The following SMAD7 variants were observed in gnomAD, a reference collection of about 807,000 sequenced individuals.
SMAD7 encodes MAD (mothers against decapentaplegic, Drosophila) homolog 7.
A neutral mutation model predicts 38.7 loss-of-function variants in SMAD7; 8 were observed. The observed-to-expected ratio is 0.21, with a 90% confidence interval of 0.12 to 0.37. The LOEUF is 0.37. SMAD7 is among the 10% of genes least tolerant of loss of function. The probability of loss-of-function intolerance (pLI) is 1.00; values close to 1 mark genes in which losing one functional copy is unlikely to be tolerated. For missense variants in SMAD7, 477 were observed against 577.9 expected (o/e 0.83, Z 1.79); for synonymous variants, 327 against 265.1 (o/e 1.23, Z -2.27).
chr18:48,930,384 A>G (rs879903207), intron 3 of SMAD7, among the ~76,000 whole-genome samples: 12 of 152,112 alleles, frequency 7.9e-5, no homozygotes, highest in Middle Eastern at 6.8e-3. Context: ...TCCCACTCCT[A>G]ACCTCCAGTT....
rs1358828250 is a variant in SMAD7 at position 48,950,612 on chromosome 18, G to T, written c.-188C>A. The T allele has an allele frequency of 1.2e-4, 40 of 325,024 alleles. No homozygotes were observed. The highest frequency in any genetic ancestry group is 3.6e-5 in the Non-Finnish European group (7 of 193,996). The allele number at this position is 325,024 out of a possible 1,614,324, so 20.1% of individuals were successfully genotyped here. ...CGTGGCATGCGCCAGTCTCCCGGAG[G>T]CCGGGGCGCGCGCGGGGGCCCGGGG... is the stretch of plus-strand genomic sequence containing the variant. On this transcript the variant is annotated 5_prime_UTR_variant, in exon 1 of 4. Coordinates refer to ENST00000262158, the MANE Select transcript of SMAD7 (RefSeq NM_005904.4).
Position 48,949,869 on chromosome 18 carries a change from T to C in SMAD7, c.556A>G (p.Ile186Val). ...RLCCCESYGK[I>V]NPELVCCNPH... is the part of the protein sequence containing the mutation. ...TTGCAGCACACCAGCTCGGGGTTGA[T>C]CTTCCCGTAAGATTCACAGCAACAC... is the stretch of plus-strand genomic sequence containing the variant. Residue 186 changes from isoleucine (I) to valine (V), a missense_variant, in exon 1 of 4, where the codon ATC (isoleucine) becomes GTC (valine). This residue lies in a region of SMAD7 where 376 missense variants were observed against 379.4 expected (regional missense o/e 0.99). Coordinates refer to ENST00000262158, the MANE Select transcript of SMAD7 (RefSeq NM_005904.4). 2 of 1,612,972 alleles carry C rather than the reference T, an allele frequency of 1.2e-6. No individual in the cohort carries two copies. The highest frequency in any genetic ancestry group is 1.7e-6 in the Non-Finnish European group (2 of 1,179,484).
intron 3 of SMAD7, among the ~76,000 whole-genome samples, chr18:48,939,307 C>A (rs1051058255): frequency 6.6e-6 from 1 of 152,070 alleles, no homozygotes; most frequent in African/African-American, 2.4e-5. Context: ...TTTCCCAGAC[C>A]GAGGAAACTT....
At chr18:48,943,508 C>A (rs547515046) in intron 2 of SMAD7, among the ~76,000 whole-genome samples, 12 of 152,348 alleles carry the variant, frequency 7.9e-5, no homozygotes, top group African/African-American at 2.9e-4. Flanking sequence ...AACCACAACT[C>A]ATTAGTCCCA....
At chr18:48,923,689 A>T (rs2069891367) in intron 3 of SMAD7, among the ~76,000 whole-genome samples, 1 of 152,046 alleles carries the variant, frequency 6.6e-6, no homozygotes, top group East Asian at 1.9e-4. Context: ...CCTTTCCCTC[A>T]ACCCCCAACC....
intron 2 of SMAD7, chr18:48,942,850 C>T: frequency 8.8e-7 from 1 of 1,140,218 alleles, no homozygotes. Flanking sequence ...ATTACGGATA[C>T]CAGGTGGTTC....
chr18:48,924,357 TCGAGGTGC>T, intron 3 of SMAD7, among the ~76,000 whole-genome samples: 1 of 151,890 alleles, frequency 6.6e-6, no homozygotes, highest in Admixed American at 6.5e-5. Flanking sequence ...GGACCTGAGA[TCGAGGTGC>T]CCCCATGCCA....
At position 48,921,183 on chromosome 18, in the gene SMAD7, A is replaced by C; in HGVS notation, c.*189T>G. 1.7e-6 allele frequency: 1 copy of C among 579,098 alleles called. No homozygotes were observed. The highest frequency in any genetic ancestry group is 2.9e-5 in the East Asian group (1 of 34,326). The allele number at this position is 579,098 out of a possible 1,614,324, so 35.9% of individuals were successfully genotyped here. ...AAAACCCCCAACAATTCTTTTCATA[A>C]GCTATTTCTCAAAGAGCGAAACAAA... On this transcript the variant is annotated 3_prime_UTR_variant, in exon 4 of 4. Coordinates refer to ENST00000262158, the MANE Select transcript of SMAD7 (RefSeq NM_005904.4). The surrounding 1 kb of genome is among the most constrained non-coding windows in gnomAD (Gnocchi z 6.4).
chr18:48,943,129 T>C (rs2070160914), intron 2 of SMAD7, among the ~76,000 whole-genome samples: 1 of 152,184 alleles, frequency 6.6e-6, no homozygotes, highest in Admixed American at 6.5e-5. Flanking sequence ...TGTATACATC[T>C]GTGTAACCAC....
chr18:48,942,260 C>G (rs1463030431), intron 3 of SMAD7, among the ~76,000 whole-genome samples: 1 of 152,196 alleles, frequency 6.6e-6, no homozygotes, highest in East Asian at 1.9e-4. Context: ...TCTTGTCTCC[C>G]CGTCCACGGA....
At chr18:48,932,828 T>C (rs1244251411) in intron 3 of SMAD7, among the ~76,000 whole-genome samples, 1 of 152,222 alleles carries the variant, frequency 6.6e-6, no homozygotes, top group Non-Finnish European at 1.5e-5. Context: ...ATGGTCTTCG[T>C]TGCGAATCAA....
chr18:48,935,117 C>T (rs72917789), intron 3 of SMAD7, among the ~76,000 whole-genome samples: 7,175 of 152,200 alleles, frequency 0.047, 225 homozygotes, highest in Non-Finnish European at 0.07. Context: ...GCACCTTCCA[C>T]GGGAGTGGAA....
chr18:48,929,567 T>TCACACACACACACACACACACACACA lies in SMAD7; in HGVS notation c.743-7658_743-7657insTGTGTGTGTGTGTGTGTGTGTGTGTG, dbSNP rs112497008. Among the ~76,000 whole-genome samples the TCACACACACACACACACACACACACA allele has an allele frequency of 2.3e-3, 143 of 61,710 alleles. 1 individual carries two copies. Among genetic ancestry groups the TCACACACACACACACACACACACACA allele is most frequent in the African/African-American group, 5.3e-3 (137 of 26,080 alleles). 40.5% of individuals were successfully genotyped at this position (61,710 alleles called of 152,430 possible). A position where few individuals can be genotyped will look rare whatever the true frequency, so the allele number is the denominator to read the frequency against. ...TTCTCTCTTTCTCTCTCTCTCTCTCTCTCACTCACACACACACACACACAC... is the reference window on the plus strand; with the variant it reads ...TTCTCTCTTTCTCTCTCTCTCTCTCTCACACACACACACACACACACACACACTCACTCACACACACACACACACAC... On this transcript the variant is annotated intron_variant, in intron 3 of 3. Coordinates refer to ENST00000262158, the MANE Select transcript of SMAD7 (RefSeq NM_005904.4).
rs911136945 is a variant in SMAD7, at chr18:48,920,230, G to C, written c.*1142C>G. On this transcript the variant is annotated 3_prime_UTR_variant, in exon 4 of 4. Coordinates refer to ENST00000262158, the MANE Select transcript of SMAD7 (RefSeq NM_005904.4). The stretch of plus-strand genomic sequence containing the variant: ...GCTTCTCTTGTTCATTTAAACCTTT[G>C]TAGTTAGAAAAATAGCTTATGTTAA... The C allele has an allele frequency of 6.6e-6, 1 of 152,176 alleles. No homozygotes were observed. The allele number at this position is 152,176 out of a possible 1,614,324, so 9.4% of individuals were successfully genotyped here.
intron 3 of SMAD7, among the ~76,000 whole-genome samples, chr18:48,930,675 C>A (rs979394354): frequency 6.6e-6 from 1 of 151,542 alleles, no homozygotes; most frequent in African/African-American, 2.4e-5. Flanking sequence ...CTCAAGCCCA[C>A]CCCGGTGGGT....
chr18:48,940,467 T>A (rs2070124427), intron 3 of SMAD7, among the ~76,000 whole-genome samples: 1 of 152,032 alleles, frequency 6.6e-6, no homozygotes, highest in Admixed American at 6.5e-5. Context: ...AGCCCACCCA[T>A]CGGCCAGGCG....
Position 48,927,842 on chromosome 18 carries a change from G to A in SMAD7, c.743-5932C>T, listed in dbSNP as rs140440777. Among the ~76,000 whole-genome samples the A allele has an allele frequency of 4.9e-3, 745 of 152,258 alleles. 5 individuals carry two copies. Among genetic ancestry groups the A allele is most frequent in the African/African-American group, 0.017 (696 of 41,534 alleles). On this transcript the variant is annotated intron_variant, in intron 3 of 3. Transcript: ENST00000262158. ...TTGCATAGGCTGTGTTCTCTAAGTG[G>A]CTCATGACAACCCTCTGAGGCTGCA...
intron 3 of SMAD7, among the ~76,000 whole-genome samples, chr18:48,934,441 C>T (rs755817455): frequency 7.6e-5 from 10 of 132,128 alleles, no homozygotes; most frequent in African/African-American, 1.3e-4. Context: ...TAAATTCTTA[C>T]GTACCCCCCA....
In SMAD7 at chr18:48,920,370, T is replaced by G. The variant is rs920939123; in HGVS notation, c.*1002A>C. 3.3e-5 allele frequency: 5 copies of G among 152,670 alleles called. No individual in the cohort carries two copies. The highest frequency in any genetic ancestry group is 7.3e-5 in the Non-Finnish European group (5 of 68,056). 9.5% of individuals were successfully genotyped at this position (152,670 alleles called of 1,614,324 possible). A position where few individuals can be genotyped will look rare whatever the true frequency, so the allele number is the denominator to read the frequency against. On this transcript the variant is annotated 3_prime_UTR_variant, in exon 4 of 4. Transcript: ENST00000262158. The stretch of plus-strand genomic sequence containing the variant: ...CAGCCTAGGATGGTACCTTGGGTTA[T>G]GACGGACCAAATCCTTCTTGGAGGG...
Sources: gnomAD v4.1 joint callset for allele counts (sites outside exome capture counted in the v4.1 genomes callset) on GRCh38, gnomAD v4.1.1 for gene constraint, gnomAD v4.1.1 regional missense constraint, Gnocchi (gnomAD v3.1) non-coding constraint, MANE v1.5 for transcripts, NCBI Gene and HGNC (gene_info 2026-07-23, HGNC 2026-07-21) for gene names.